Variants in ST18 observed in about 807,000 individuals in gnomAD.
The protein encoded by ST18 is ST18 C2H2C-type zinc finger transcription factor.
ST18 carries 50 observed loss-of-function variants against 110.0 expected under a neutral mutation model. That is an observed-to-expected ratio of 0.45 (90% CI 0.36 to 0.58). The LOEUF (loss-of-function observed/expected upper bound fraction) is 0.58. Among genes scored for constraint, ST18 ranks in the 20% least tolerant of loss-of-function variants. The probability of loss-of-function intolerance (pLI) is 0.00; values close to 1 mark genes in which losing one functional copy is unlikely to be tolerated. For missense variants in ST18, 1,306 were observed against 1,280.1 expected (o/e 1.02, Z -0.31); for synonymous variants, 461 against 452.4 (o/e 1.02, Z -0.24).
At chr8:52,180,930 G>A (rs2069221114) in intron 8 of ST18, among the ~76,000 whole-genome samples, 1 of 152,178 alleles carries the variant, frequency 6.6e-6, no homozygotes, top group African/African-American at 2.4e-5. Flanking sequence ...TTGGCACACA[G>A]AACAAATAAA....
At chr8:52,330,303 C>A (rs113400689) in intron 2 of ST18, among the ~76,000 whole-genome samples, 1 of 152,150 alleles carries the variant, frequency 6.6e-6, no homozygotes, top group Non-Finnish European at 1.5e-5. Context: ...CCATCCCTTT[C>A]GAGGCATTTT....
intron 4 of ST18, among the ~76,000 whole-genome samples, 189 bp downstream of exon 4, chr8:52,221,451 G>GTA (rs1415152825): frequency 6.6e-5 from 10 of 152,166 alleles, no homozygotes; most frequent in African/African-American, 2.4e-4. Context: ...TCACCTCTAT[G>GTA]TGGTCCCAGG....
intron 17 of ST18, 199 bp from the exon 18 acceptor site, chr8:52,137,682 A>G (rs899140414): frequency 4.3e-5 from 22 of 510,924 alleles, no homozygotes; most frequent in Admixed American, 1.1e-4. Context: ...AAATCATAGC[A>G]TGATGAGTTA....
intron 2 of ST18, among the ~76,000 whole-genome samples, chr8:52,337,533 A>G (rs1184623822): frequency 6.6e-6 from 1 of 152,252 alleles, no homozygotes; most frequent in African/African-American, 2.4e-5. Flanking sequence ...TGATGTATCT[A>G]TATAGCTCCA....
At position 52,172,104 on chromosome 8, in the gene ST18, C is replaced by G; in HGVS notation, c.757G>C (p.Glu253Gln). ...TTCTGCGGGTCTTTCCTTTCTGTTTCAGAATCACACCTGTTCTCACAAGGG... is the reference window on the plus strand; with the variant it reads ...TTCTGCGGGTCTTTCCTTTCTGTTTGAGAATCACACCTGTTCTCACAAGGG... ...FIPCENRCDSETERKDPQNAL... is the reference protein window; with the variant it reads ...FIPCENRCDSQTERKDPQNAL... Residue 253 changes from glutamate (E) to glutamine (Q), a missense_variant, in exon 10 of 26, where the codon GAA (glutamate) becomes CAA (glutamine). Physicochemically the swap from Glu to Gln is conservative, Grantham distance 29. Coordinates refer to ENST00000689386, the MANE Select transcript of ST18 (RefSeq NM_001352837.2). 2 of 1,614,254 alleles carry G rather than the reference C, an allele frequency of 1.2e-6. No homozygotes were observed. The highest frequency in any genetic ancestry group is 1.7e-6 in the Non-Finnish European group (2 of 1,180,040).
intron 23 of ST18, among the ~76,000 whole-genome samples, chr8:52,124,198 C>G (rs1235137453): frequency 6.6e-6 from 1 of 150,778 alleles, no homozygotes; most frequent in Non-Finnish European, 1.5e-5. Context: ...TTTTTTGAGA[C>G]AGAGTCTCAC....
At chr8:52,335,524 G>C (rs576373520) in intron 2 of ST18, among the ~76,000 whole-genome samples, 6 of 152,094 alleles carry the variant, frequency 3.9e-5, no homozygotes, top group African/African-American at 1.4e-4. Context: ...ATCAAAGCAC[G>C]GATTTCATAT....
In ST18 at chr8:52,113,334, G is replaced by T. The variant is rs775142552; in HGVS notation, c.3008C>A (p.Pro1003His). 6 of 1,613,536 alleles carry T rather than the reference G, an allele frequency of 3.7e-6. No homozygotes were observed. Among genetic ancestry groups the T allele is most frequent in the Non-Finnish European group, 5.1e-6 (6 of 1,179,798 alleles). ...LADIQLPQMG[P>H]ISEQNFEAYV... ...TGCTTCAAAATTCTGCTCACTGATAGGTCCCTAAATGGAGACAAAACACAT... is the reference window on the plus strand; with the variant it reads ...TGCTTCAAAATTCTGCTCACTGATATGTCCCTAAATGGAGACAAAACACAT... The change falls in exon 26 of 26, where the codon CCT becomes CAT. Residue 1003 changes from proline (P) to histidine (H), a missense_variant. Physicochemically the swap from Pro to His is moderately conservative, Grantham distance 77. Transcript: ENST00000689386.
At chr8:52,215,457 T>C (rs545125025) in intron 6 of ST18, among the ~76,000 whole-genome samples, 1 of 152,320 alleles carries the variant, frequency 6.6e-6, no homozygotes, top group East Asian at 1.9e-4. Context: ...ATTGTGCATT[T>C]TTTCACCTGC....
chr8:52,145,566 C>T (rs566873793), intron 16 of ST18, among the ~76,000 whole-genome samples: 17 of 152,124 alleles, frequency 1.1e-4, no homozygotes, highest in Non-Finnish European at 2.2e-4. Context: ...AAATGAATAC[C>T]TAAACAGCAG....
At chr8:52,351,493 A>G (rs75273470) in intron 2 of ST18, among the ~76,000 whole-genome samples, 155 of 152,336 alleles carry the variant, frequency 1.0e-3, no homozygotes, top group East Asian at 2.9e-3. Context: ...TAGGAGCCCA[A>G]TGCTTATTAA....
chr8:52,286,342 T>C lies in ST18; in HGVS notation c.-464-56265A>G, dbSNP rs549924549. On this transcript the variant is annotated intron_variant, in intron 2 of 25. Transcript: ENST00000689386. Reference sequence around the variant, plus strand: ...ATTTTATATGTAAGAAATAATAGCATTGAAGAGATGAACTGCATTGTCTAA... The same window carrying C: ...ATTTTATATGTAAGAAATAATAGCACTGAAGAGATGAACTGCATTGTCTAA... 5.9e-5 allele frequency among the ~76,000 whole-genome samples: 9 copies of C among 152,284 alleles called. No individual in the cohort carries two copies. The East Asian group carries it at 1.4e-3, about 23-fold the overall frequency.
chr8:52,356,500 G>A (rs1413468435), intron 2 of ST18, among the ~76,000 whole-genome samples: 1 of 152,022 alleles, frequency 6.6e-6, no homozygotes, highest in Non-Finnish European at 1.5e-5. Flanking sequence ...TCAGTGAAGG[G>A]GAGAGTCTGA....
At chr8:52,298,980 G>A (rs1055933750) in intron 2 of ST18, among the ~76,000 whole-genome samples, 8 of 152,082 alleles carry the variant, frequency 5.3e-5, no homozygotes, top group African/African-American at 7.2e-5. Flanking sequence ...GTATTACTGC[G>A]TGTAGATTTC....
intron 2 of ST18, among the ~76,000 whole-genome samples, chr8:52,300,312 T>G (rs943896183): frequency 6.6e-6 from 1 of 152,108 alleles, no homozygotes; most frequent in Admixed American, 6.6e-5. Flanking sequence ...ACTCGAACAC[T>G]CATGGAACAG....
chr8:52,351,755 A>T (rs1820421517), intron 2 of ST18, among the ~76,000 whole-genome samples: 1 of 152,240 alleles, frequency 6.6e-6, no homozygotes, highest in Non-Finnish European at 1.5e-5. Context: ...ACTTGAAATT[A>T]AAACTCCATC....
At chr8:52,401,787 A>G (rs146871078) in intron 2 of ST18, among the ~76,000 whole-genome samples, 62 of 150,450 alleles carry the variant, frequency 4.1e-4, no homozygotes, top group African/African-American at 1.5e-3. Context: ...TTTTTAAGCA[A>G]TTTCAATTTC....
chr8:52,118,651 C>T (rs1282877698), intron 23 of ST18, among the ~76,000 whole-genome samples: 1 of 152,016 alleles, frequency 6.6e-6, no homozygotes, highest in Non-Finnish European at 1.5e-5. Flanking sequence ...AGAAAAGTGC[C>T]ACCCTTGCAT....
At chr8:52,307,527 AC>A (rs2095834291) in intron 2 of ST18, among the ~76,000 whole-genome samples, 3 of 152,144 alleles carry the variant, frequency 2.0e-5, no homozygotes, top group Admixed American at 2.0e-4. Flanking sequence ...ATTTTTCCTC[AC>A]CCACTGCATA....
Sources: gnomAD v4.1 joint callset for allele counts (sites outside exome capture counted in the v4.1 genomes callset) on GRCh38, gnomAD v4.1.1 for gene constraint, MANE v1.5 for transcripts, NCBI Gene and HGNC (gene_info 2026-07-23, HGNC 2026-07-21) for gene names.